PABPC4L: variants seen among roughly 807,000 people sequenced by gnomAD.
The protein encoded by PABPC4L is polyadenylate-binding protein 4-like.
For missense variants in PABPC4L, 452 were observed against 451.4 expected (o/e 1.00, Z -0.01); for synonymous variants, 169 against 164.1 (o/e 1.03, Z -0.23).
At chr4:134,000,472 A>G in the PABPC4L span, among the ~76,000 whole-genome samples, 2 of 152,152 alleles carry the variant, frequency 1.3e-5, no homozygotes, top group Admixed American at 6.6e-5. Flanking sequence ...TATTCTGGCA[A>G]TATAAAAAGT....
Position 134,200,755 on chromosome 4 carries a change from C to A in PABPC4L, c.265G>T (p.Asp89Tyr), listed in dbSNP as rs1319665077. The change falls in exon 2 of 2, where the codon GAT (aspartate) becomes TAT (tyrosine). Residue 89 changes from aspartate to tyrosine, a missense_variant. Transcript: ENST00000421491. ...ATTCCAGATCTCCTCAAGTAGGCAT[C>A]GCGCTGAGACCACATGAGACGGATG... ...KSIRLMWSQR[D>Y]AYLRRSGIGN... 6.4e-7 allele frequency: 1 copy of A among 1,551,598 alleles called. No individual in the cohort carries two copies.
At chr4:133,991,644 C>T in the PABPC4L span, among the ~76,000 whole-genome samples, 1 of 152,252 alleles carries the variant, frequency 6.6e-6, no homozygotes, top group African/African-American at 2.4e-5. Flanking sequence ...ATGACTATGG[C>T]TGAGACTATA....
At chr4:133,953,982 C>T in the PABPC4L span, among the ~76,000 whole-genome samples, 1 of 152,246 alleles carries the variant, frequency 6.6e-6, no homozygotes, top group Non-Finnish European at 1.5e-5. Flanking sequence ...AAGGCACACT[C>T]ACAAATGCAA....
chr4:133,993,846 G>C, the PABPC4L span, among the ~76,000 whole-genome samples: 2 of 152,158 alleles, frequency 1.3e-5, no homozygotes, highest in Non-Finnish European at 2.9e-5. Context: ...ATAAAAATAA[G>C]ATGTGTAGAT....
chr4:134,164,257 C>G, the PABPC4L span, among the ~76,000 whole-genome samples: 9 of 90,124 alleles, frequency 1.0e-4, no homozygotes, highest in Admixed American at 1.3e-3. Context: ...AGCGAGACTC[C>G]GTCTCAAAAA....
chr4:134,141,147 A>T, the PABPC4L span, among the ~76,000 whole-genome samples: 1 of 151,782 alleles, frequency 6.6e-6, no homozygotes, highest in African/African-American at 2.4e-5. Flanking sequence ...CCTTAGAATG[A>T]TATGCTTTTC....
the PABPC4L span, among the ~76,000 whole-genome samples, chr4:134,066,643 T>A: frequency 3.9e-5 from 6 of 152,258 alleles, no homozygotes; most frequent in East Asian, 1.2e-3. Context: ...TGCTTCCAGC[T>A]TTTGCCCGTA....
At chr4:134,110,959 G>A in the PABPC4L span, among the ~76,000 whole-genome samples, 4 of 152,012 alleles carry the variant, frequency 2.6e-5, no homozygotes, top group South Asian at 4.1e-4. Context: ...ATACACACAC[G>A]TGCACAGACA....
chr4:133,984,016 T>G, the PABPC4L span, among the ~76,000 whole-genome samples: 1 of 151,858 alleles, frequency 6.6e-6, no homozygotes, highest in African/African-American at 2.4e-5. Context: ...TGTAATCTAG[T>G]GCTGAAAGCT....
chr4:133,989,010 C>G, the PABPC4L span, among the ~76,000 whole-genome samples: 1 of 152,102 alleles, frequency 6.6e-6, no homozygotes, highest in Non-Finnish European at 1.5e-5. Flanking sequence ...ACCTTGGACC[C>G]TTTTACCCAT....
chr4:134,132,432 T>C, the PABPC4L span, among the ~76,000 whole-genome samples: 1 of 151,540 alleles, frequency 6.6e-6, no homozygotes, highest in Admixed American at 6.6e-5. Context: ...CAAAAGAAGA[T>C]GAACAAATGG....
chr4:133,962,112 G>C, the PABPC4L span, among the ~76,000 whole-genome samples: 3 of 152,076 alleles, frequency 2.0e-5, no homozygotes, highest in African/African-American at 7.2e-5. Context: ...ATTCCCCGTG[G>C]GACAAAAGAA....
the PABPC4L span, among the ~76,000 whole-genome samples, chr4:134,124,107 A>G: frequency 6.6e-6 from 1 of 152,110 alleles, no homozygotes; most frequent in African/African-American, 2.4e-5. Flanking sequence ...GTAAATATTA[A>G]CTAAATCATG....
the PABPC4L span, among the ~76,000 whole-genome samples, chr4:134,162,535 CACTCT>C: frequency 6.9e-6 from 1 of 145,512 alleles, no homozygotes; most frequent in Non-Finnish European, 1.5e-5. Flanking sequence ...ATGCACAGAA[CACTCT>C]ACTCTAGAAC....
the PABPC4L span, among the ~76,000 whole-genome samples, chr4:134,129,608 A>C: frequency 6.6e-6 from 1 of 152,068 alleles, no homozygotes; most frequent in Non-Finnish European, 1.5e-5. Flanking sequence ...ATGGAAATTT[A>C]AAAATTTAAA....
chr4:134,026,859 C>G, the PABPC4L span, among the ~76,000 whole-genome samples: 4 of 152,092 alleles, frequency 2.6e-5, no homozygotes, highest in African/African-American at 9.6e-5. Context: ...CAAAGATTGC[C>G]AGACAAACAT....
At chr4:134,030,086 G>A in the PABPC4L span, among the ~76,000 whole-genome samples, 2 of 152,216 alleles carry the variant, frequency 1.3e-5, no homozygotes, top group East Asian at 3.9e-4. Context: ...CTGTGAAACT[G>A]AGAGTGGATT....
At chr4:134,120,259 GGT>G in the PABPC4L span, among the ~76,000 whole-genome samples, 1 of 78,152 alleles carries the variant, frequency 1.3e-5, no homozygotes, top group African/African-American at 6.2e-5. Context: ...TTTGTTCTTT[GGT>G]TTTTTTTTTT....
the PABPC4L span, among the ~76,000 whole-genome samples, chr4:134,124,999 G>A: frequency 4.6e-5 from 7 of 152,168 alleles, no homozygotes; most frequent in South Asian, 2.1e-4. Context: ...AGACCACACC[G>A]GTAATCTGAT....
Sources: gnomAD v4.1 joint callset for allele counts (sites outside exome capture counted in the v4.1 genomes callset) on GRCh38, gnomAD v4.1.1 for gene constraint, MANE v1.5 for transcripts, NCBI Gene and HGNC (gene_info 2026-07-23, HGNC 2026-07-21) for gene names.